Variants in MAP2K1 observed in about 807,000 individuals in gnomAD.
The protein encoded by MAP2K1 is dual specificity mitogen-activated protein kinase kinase 1.
Under a neutral mutation model 46.3 loss-of-function variants are expected in MAP2K1, and 16 were observed. That is an observed-to-expected ratio of 0.35 (90% CI 0.23 to 0.52). The LOEUF is 0.52. Ranked by LOEUF, MAP2K1 falls within the 20% of genes least tolerant of loss-of-function variation. The pLI, the probability that MAP2K1 is intolerant of heterozygous loss-of-function variation, is 0.94. For synonymous variants in MAP2K1, 183 were observed against 185.6 expected, an observed-to-expected ratio of 0.99 and a Z score of 0.11; for missense variants, 263 against 497.1, an observed-to-expected ratio of 0.53 and a Z score of 4.48.
chr15:66,460,853 G>A (rs140105032), intron 5 of MAP2K1, among the ~76,000 whole-genome samples: 94 of 152,286 alleles, frequency 6.2e-4, no homozygotes, highest in African/African-American at 2.2e-3. Flanking sequence ...GCAGGGACTG[G>A]TGTGGGAAGA....
intron 1 of MAP2K1, among the ~76,000 whole-genome samples, chr15:66,422,743 T>A (rs1421678731): frequency 1.3e-5 from 2 of 152,146 alleles, no homozygotes; most frequent in African/African-American, 4.8e-5. Context: ...CCCTGTGTTT[T>A]TTCGATCTGG....
At chr15:66,434,901 C>G (rs889292414) in intron 1 of MAP2K1, 126 bp from the exon 2 acceptor site, 2 of 769,680 alleles carry the variant, frequency 2.6e-6, no homozygotes, top group African/African-American at 3.4e-5. Flanking sequence ...GGGGCCTCCT[C>G]TCTAGCCTCC....
At chr15:66,404,804 T>A (rs980510981) in intron 1 of MAP2K1, among the ~76,000 whole-genome samples, 1 of 152,116 alleles carries the variant, frequency 6.6e-6, no homozygotes, top group Non-Finnish European at 1.5e-5. Context: ...CGGAAATCAG[T>A]GGTTCCTGAG....
chr15:66,416,780 G>C (rs1399229120), intron 1 of MAP2K1, among the ~76,000 whole-genome samples: 2 of 152,182 alleles, frequency 1.3e-5, no homozygotes, highest in East Asian at 3.9e-4. Context: ...GGTTTGGGGT[G>C]GGGAGGGTAT....
At chr15:66,442,361 G>A (rs542630335) in intron 3 of MAP2K1, among the ~76,000 whole-genome samples, 2 of 152,154 alleles carry the variant, frequency 1.3e-5, no homozygotes, top group Non-Finnish European at 2.9e-5. Flanking sequence ...TCAGCAACGT[G>A]ATGCGTCCCT....
At chr15:66,468,545 A>G (rs1892523422) in intron 5 of MAP2K1, among the ~76,000 whole-genome samples, 2 of 152,212 alleles carry the variant, frequency 1.3e-5, no homozygotes, top group South Asian at 4.1e-4. Flanking sequence ...GATAGGTACT[A>G]CCTATCTTAA....
At chr15:66,408,524 A>T (rs1334324113) in intron 1 of MAP2K1, among the ~76,000 whole-genome samples, 1 of 151,506 alleles carries the variant, frequency 6.6e-6, no homozygotes, top group Non-Finnish European at 1.5e-5. Flanking sequence ...AGATTTCCTG[A>T]TGTATGTGTG....
intron 5 of MAP2K1, among the ~76,000 whole-genome samples, chr15:66,461,243 A>G (rs1189532718): frequency 6.6e-6 from 1 of 152,078 alleles, no homozygotes; most frequent in African/African-American, 2.4e-5. Flanking sequence ...TAATCCCAGC[A>G]CTTTGCGAGG....
chr15:66,414,366 A>G (rs9745005), intron 1 of MAP2K1, among the ~76,000 whole-genome samples: 17,639 of 149,340 alleles, frequency 0.12, 1,168 homozygotes, highest in Non-Finnish European at 0.13. Flanking sequence ...AGCAATTCAC[A>G]GAACTCAGGA....
At chr15:66,390,663 G>C (rs1313094636) in intron 1 of MAP2K1, among the ~76,000 whole-genome samples, 3 of 152,172 alleles carry the variant, frequency 2.0e-5, no homozygotes, top group Non-Finnish European at 2.9e-5. Context: ...TTAAGTGTTA[G>C]AATGAGATAA....
intron 5 of MAP2K1, among the ~76,000 whole-genome samples, chr15:66,474,458 A>T (rs1704063078): frequency 6.6e-6 from 1 of 152,152 alleles, no homozygotes; most frequent in African/African-American, 2.4e-5. Context: ...CTCCTTACTG[A>T]ATTTCAGGGA....
chr15:66,414,596 A>G (rs540293966), intron 1 of MAP2K1, among the ~76,000 whole-genome samples: 2 of 152,242 alleles, frequency 1.3e-5, no homozygotes, highest in African/African-American at 4.8e-5. Flanking sequence ...CCTGAGCTTC[A>G]GTGTCCAGAG....
At chr15:66,427,405 A>G (rs1567006504) in intron 1 of MAP2K1, among the ~76,000 whole-genome samples, 2 of 151,900 alleles carry the variant, frequency 1.3e-5, no homozygotes, top group South Asian at 2.1e-4. Flanking sequence ...TAAAAATACA[A>G]AAAATTAGCC....
chr15:66,398,896 C>T (rs1348528512), intron 1 of MAP2K1, among the ~76,000 whole-genome samples: 7 of 151,592 alleles, frequency 4.6e-5, no homozygotes, highest in Non-Finnish European at 5.9e-5. Context: ...GGCTCAGCCT[C>T]GAAGTGGCTG....
chr15:66,387,497 C>A, intron 1 of MAP2K1, 70 bp downstream of exon 1: 1 of 1,440,278 alleles, frequency 6.9e-7, no homozygotes, highest in Non-Finnish European at 9.5e-7. Context: ...CAGGAGCGCG[C>A]GCCAGGCTCC....
At position 66,392,255 on chromosome 15, in the gene MAP2K1, G is replaced by GTT. The variant is rs58831070; in HGVS notation, c.80+4851_80+4852dup. ...ACGAATATTTGTGTGTTTTTTTTGG[G>GTT]TTTTTTTTTTTTTTTTTTTTTTTTA... On this transcript the variant is annotated intron_variant, in intron 1 of 10. Transcript: ENST00000307102. 8.6e-3 allele frequency among the ~76,000 whole-genome samples: 843 copies of GTT among 97,702 alleles called. 33 individuals are homozygous for GTT. The highest frequency in any genetic ancestry group is 0.036 in the African/African-American group (801 of 22,000). The allele number at this position is 97,702 out of a possible 152,430, so 64.1% of individuals were successfully genotyped here.
At chr15:66,416,216 T>G (rs978970794) in intron 1 of MAP2K1, among the ~76,000 whole-genome samples, 1 of 152,132 alleles carries the variant, frequency 6.6e-6, no homozygotes, top group African/African-American at 2.4e-5. Flanking sequence ...TAGCTCCCAA[T>G]GCCTACCTTG....
At chr15:66,402,754 A>G (rs1307523584) in intron 1 of MAP2K1, among the ~76,000 whole-genome samples, 1 of 152,036 alleles carries the variant, frequency 6.6e-6, no homozygotes, top group African/African-American at 2.4e-5. Context: ...CACTTAATCT[A>G]TCTAGTAACG....
intron 1 of MAP2K1, chr15:66,414,884 G>A (rs1243563154): frequency 3.1e-6 from 1 of 322,274 alleles, no homozygotes; most frequent in Non-Finnish European, 6.0e-6. Context: ...TTATGGAGGG[G>A]CTCGGGCCAA....
Sources: gnomAD v4.1 joint callset for allele counts (sites outside exome capture counted in the v4.1 genomes callset) on GRCh38, gnomAD v4.1.1 for gene constraint, MANE v1.5 for transcripts, NCBI Gene and HGNC (gene_info 2026-07-23, HGNC 2026-07-21) for gene names.